GABRB2: variants seen among roughly 807,000 people sequenced by gnomAD.
GABRB2 encodes gamma-aminobutyric acid type A receptor subunit beta2.
Under a neutral mutation model 54.7 loss-of-function variants are expected in GABRB2, and 16 were observed. The observed-to-expected ratio is 0.29, with a 90% CI of 0.20 to 0.44. The LOEUF (loss-of-function observed/expected upper bound fraction) is 0.44, where lower values mean the gene tolerates loss of function less well. Among genes scored for constraint, GABRB2 ranks in the 20% least tolerant of loss-of-function variants. The pLI is 1.00. For synonymous variants in GABRB2, 244 were observed against 233.8 expected (o/e 1.04, Z -0.40); for missense variants, 355 against 644.0 (o/e 0.55, Z 4.86).
intron 3 of GABRB2, among the ~76,000 whole-genome samples, chr5:161,536,071 C>T (rs1385029225): frequency 1.3e-5 from 2 of 152,118 alleles, no homozygotes; most frequent in Non-Finnish European, 2.9e-5. Context: ...GATGTTCAAT[C>T]TTGAAATTTC....
chr5:161,346,330 G>T (rs1050441042), intron 5 of GABRB2, among the ~76,000 whole-genome samples: 1 of 152,050 alleles, frequency 6.6e-6, no homozygotes, highest in African/African-American at 2.4e-5. Flanking sequence ...AGCTCAAATG[G>T]AATAATGTTC....
rs190252580 is a variant in GABRB2, at chr5:161,316,818, T to A, written c.1191+9550A>T. Among the ~76,000 whole-genome samples, 10 of 152,216 alleles carry A rather than the reference T, an allele frequency of 6.6e-5. No homozygotes were observed. In the East Asian group the frequency reaches 1.7e-3, roughly 26 times the overall value. On this transcript the variant is annotated intron_variant, in intron 9 of 9. Coordinates refer to ENST00000393959, the MANE Select transcript of GABRB2 (RefSeq NM_001371727.1). ...GCAAAGACAGTGTTTCACCACGTTG[T>A]CCAGGCTAGTCTTGAACTCCTAACT...
intron 3 of GABRB2, among the ~76,000 whole-genome samples, chr5:161,461,638 C>T (rs1203898787): frequency 6.6e-6 from 1 of 152,090 alleles, no homozygotes; most frequent in Non-Finnish European, 1.5e-5. Flanking sequence ...GCTCTCTCAC[C>T]CTCATCTGAA....
intron 7 of GABRB2, among the ~76,000 whole-genome samples, chr5:161,332,209 A>G (rs1484863626): frequency 6.6e-6 from 1 of 150,728 alleles, no homozygotes; most frequent in Non-Finnish European, 1.5e-5. Context: ...AGAGGTTTTC[A>G]GAGTAATCCA....
chr5:161,388,284 CA>C (rs1312228966), intron 5 of GABRB2, among the ~76,000 whole-genome samples: 1 of 152,000 alleles, frequency 6.6e-6, no homozygotes, highest in Non-Finnish European at 1.5e-5. Context: ...AAAAGATACT[CA>C]AAACAGCATT....
chr5:161,408,709 G>A (rs1222697202), intron 5 of GABRB2, among the ~76,000 whole-genome samples: 5 of 151,864 alleles, frequency 3.3e-5, no homozygotes, highest in African/African-American at 1.2e-4. Context: ...AGAGAAAGAA[G>A]GGAGGGAAAA....
chr5:161,491,812 T>C (rs1265533479), intron 3 of GABRB2, among the ~76,000 whole-genome samples: 1 of 151,748 alleles, frequency 6.6e-6, no homozygotes, highest in Non-Finnish European at 1.5e-5. Context: ...GCAAACACAC[T>C]GCATTCTGTC....
intron 9 of GABRB2, among the ~76,000 whole-genome samples, chr5:161,325,076 C>T (rs1451772437): frequency 1.3e-5 from 2 of 151,978 alleles, no homozygotes; most frequent in African/African-American, 2.4e-5. Flanking sequence ...GTTTGATTTT[C>T]GTTTTCAGAA....
At chr5:161,325,549 T>A (rs1014008265) in intron 9 of GABRB2, among the ~76,000 whole-genome samples, 1 of 152,074 alleles carries the variant, frequency 6.6e-6, no homozygotes, top group African/African-American at 2.4e-5. Flanking sequence ...TTAGAAGATA[T>A]AATAATGGAA....
At chr5:161,534,013 A>C (rs897495465) in intron 3 of GABRB2, among the ~76,000 whole-genome samples, 1 of 152,318 alleles carries the variant, frequency 6.6e-6, no homozygotes, top group East Asian at 1.9e-4. Context: ...TTGGTATTTT[A>C]AAATTGTTTT....
intron 4 of GABRB2, among the ~76,000 whole-genome samples, chr5:161,429,099 C>A (rs1260802028): frequency 6.6e-6 from 1 of 151,546 alleles, no homozygotes; most frequent in South Asian, 2.1e-4. Flanking sequence ...GTAATCCCAG[C>A]ACTTTGGGAG....
At chr5:161,431,287 TATC>T (rs949952289) in intron 4 of GABRB2, among the ~76,000 whole-genome samples, 3 of 152,152 alleles carry the variant, frequency 2.0e-5, no homozygotes, top group African/African-American at 7.2e-5. Flanking sequence ...TAACCACTCT[TATC>T]ATCATTATTA....
chr5:161,437,214 G>C (rs185678063), intron 4 of GABRB2, among the ~76,000 whole-genome samples: 47 of 152,002 alleles, frequency 3.1e-4, no homozygotes, highest in Non-Finnish European at 6.3e-4. Context: ...AGGCTGCACA[G>C]CTTGTGGCTC....
intron 4 of GABRB2, among the ~76,000 whole-genome samples, chr5:161,431,040 T>C (rs940418083): frequency 3.3e-5 from 5 of 152,170 alleles, no homozygotes; most frequent in Admixed American, 2.6e-4. Flanking sequence ...AAACACAGAA[T>C]TATCATTTTG....
intron 4 of GABRB2, among the ~76,000 whole-genome samples, chr5:161,433,216 C>G (rs1011263445): frequency 6.6e-6 from 1 of 151,962 alleles, no homozygotes; most frequent in Admixed American, 6.6e-5. Flanking sequence ...AGATAAACAT[C>G]CAAGGTGTTA....
At chr5:161,495,076 A>C (rs1759192450) in intron 3 of GABRB2, among the ~76,000 whole-genome samples, 3 of 152,018 alleles carry the variant, frequency 2.0e-5, no homozygotes, top group Admixed American at 2.0e-4. Context: ...ACCAAAGATC[A>C]CATGATGCTT....
chr5:161,459,659 G>A lies in GABRB2; in HGVS notation c.423C>T (p.Arg141=). The A allele has an allele frequency of 6.2e-7, 1 of 1,614,140 alleles. No homozygotes were observed. Among genetic ancestry groups the A allele is most frequent in the Non-Finnish European group, 8.5e-7 (1 of 1,180,012 alleles). The change falls in exon 4 of 10, where the codon CGC becomes CGT. Residue 141 remains arginine, a synonymous_variant. Transcript: ENST00000393959. ...HGVTVKNRMI[R]LHPDGTVLYG... ...AAAGGACGGTGCCATCAGGATGCAG[G>A]CGAATCATGCGGTTCTTAACAGTCA...
At chr5:161,486,260 C>T (rs1318680494) in intron 3 of GABRB2, among the ~76,000 whole-genome samples, 2 of 152,032 alleles carry the variant, frequency 1.3e-5, no homozygotes, top group Non-Finnish European at 2.9e-5. Flanking sequence ...ATTTCTCAAA[C>T]ATCCACCCTG....
intron 3 of GABRB2, among the ~76,000 whole-genome samples, chr5:161,489,299 G>GA (rs1759027525): frequency 6.6e-6 from 1 of 151,410 alleles, no homozygotes; most frequent in African/African-American, 2.4e-5. Flanking sequence ...AGTAGCCCAT[G>GA]AAAAAAGGCA....
Sources: gnomAD v4.1 joint callset for allele counts (sites outside exome capture counted in the v4.1 genomes callset) on GRCh38, gnomAD v4.1.1 for gene constraint, MANE v1.5 for transcripts, NCBI Gene and HGNC (gene_info 2026-07-23, HGNC 2026-07-21) for gene names.